CA12: variants seen among roughly 807,000 people sequenced by gnomAD.
The protein encoded by CA12 is carbonate dehydratase XII.
Under a neutral mutation model 46.8 loss-of-function variants are expected in CA12, and 36 were observed. The ratio of observed to expected loss-of-function variants is 0.77; its 90% CI spans 0.59 to 1.02. CA12 has a LOEUF of 1.02. CA12 is among the 50% of genes least tolerant of loss of function. The probability of loss-of-function intolerance (pLI) is 0.00; values close to 1 mark genes in which losing one functional copy is unlikely to be tolerated. For synonymous variants in CA12, 202 were observed against 187.0 expected (o/e 1.08, Z -0.65); for missense variants, 436 against 451.4 (o/e 0.97, Z 0.31).
intron 4 of CA12, among the ~76,000 whole-genome samples, chr15:63,344,249 C>A (rs1348784813): frequency 6.6e-6 from 1 of 152,214 alleles, no homozygotes; most frequent in Non-Finnish European, 1.5e-5. Flanking sequence ...TGCCTCTTAC[C>A]TCCCCACACC....
intron 2 of CA12, among the ~76,000 whole-genome samples, chr15:63,346,975 AT>A (rs2039158948): frequency 1.3e-5 from 2 of 152,098 alleles, no homozygotes; most frequent in Admixed American, 1.3e-4. Flanking sequence ...TATTTTGTAC[AT>A]TGTTCCTGTT....
chr15:63,352,167 T>C lies in CA12; in HGVS notation c.107-5458A>G, dbSNP rs564250601. On this transcript the variant is annotated intron_variant, in intron 2 of 10. Coordinates refer to ENST00000178638, the MANE Select transcript of CA12 (RefSeq NM_001218.5). Reference sequence around the variant, plus strand: ...GCCTCCCAGGTTCAAGCAATTCTTCTGCCTCAGCCTCCCAAGTAGCTGGGA... The same window carrying C: ...GCCTCCCAGGTTCAAGCAATTCTTCCGCCTCAGCCTCCCAAGTAGCTGGGA... Among the ~76,000 whole-genome samples the C allele has an allele frequency of 2.6e-5, 4 of 152,352 alleles. No individual in the cohort carries two copies. In the East Asian group the frequency reaches 7.7e-4, roughly 29 times the overall value.
intron 2 of CA12, among the ~76,000 whole-genome samples, chr15:63,363,849 CT>C (rs1441627246): frequency 6.6e-6 from 1 of 152,210 alleles, no homozygotes; most frequent in African/African-American, 2.4e-5. Context: ...CTGCTTCATC[CT>C]TGCTGATGTA....
chr15:63,323,020 T>C lies in CA12; in HGVS notation c.*3265A>G, dbSNP rs1330000578. The C allele has an allele frequency of 6.6e-6, 1 of 152,242 alleles. No individual in the cohort carries two copies. Among genetic ancestry groups the C allele is most frequent in the Non-Finnish European group, 1.5e-5 (1 of 68,042 alleles). The allele number at this position is 152,242 out of a possible 1,614,324, so 9.4% of individuals were successfully genotyped here. A position where few individuals can be genotyped will look rare whatever the true frequency, so the allele number is the denominator to read the frequency against. On this transcript the variant is annotated 3_prime_UTR_variant, in exon 11 of 11. Coordinates refer to ENST00000178638, the MANE Select transcript of CA12 (RefSeq NM_001218.5). The surrounding 1 kb of genome is among the most constrained non-coding windows in gnomAD (Gnocchi z 5.1). ...GCCTCTTTTTGCCCCAGTCAGAATG[T>C]GAAGTCTGGATTTAGACAAAAGATT...
chr15:63,356,184 G>A (rs2039293269), intron 2 of CA12, among the ~76,000 whole-genome samples: 1 of 152,182 alleles, frequency 6.6e-6, no homozygotes, highest in African/African-American at 2.4e-5. Flanking sequence ...CCTGAGGCCA[G>A]GAGTTGGAGA....
rs2038917416 is a variant in CA12 at position 63,330,111 on chromosome 15, G to T, written c.875-1981C>A. Among the ~76,000 whole-genome samples, 1 of 152,230 alleles carries T rather than the reference G, an allele frequency of 6.6e-6. No individual in the cohort carries two copies. Among genetic ancestry groups the T allele is most frequent in the Non-Finnish European group, 1.5e-5 (1 of 68,042 alleles). ...GCTGCTCATGACCTCCCAAGTGGCA[G>T]AGTGGCTCCACTGGCCAGACTCCCT... On this transcript the variant is annotated intron_variant, in intron 8 of 10. Transcript: ENST00000178638. The surrounding 1 kb of genome is among the most constrained non-coding windows in gnomAD (Gnocchi z 4.0).
At chr15:63,335,026 G>A (rs76076752) in intron 8 of CA12, among the ~76,000 whole-genome samples, 1 of 152,166 alleles carries the variant, frequency 6.6e-6, no homozygotes, top group African/African-American at 2.4e-5. Context: ...AAAACAATGA[G>A]TTCTGGGCCG....
intron 8 of CA12, among the ~76,000 whole-genome samples, chr15:63,337,046 C>T (rs1039677151): frequency 6.6e-6 from 1 of 152,220 alleles, no homozygotes; most frequent in Non-Finnish European, 1.5e-5. Context: ...ATAACAGATA[C>T]ATTCCATGCA....
At chr15:63,375,330 G>A (rs1442663078) in intron 2 of CA12, 1 of 282,716 alleles carries the variant, frequency 3.5e-6, no homozygotes, top group African/African-American at 2.2e-5. Flanking sequence ...GCTCTCTCCT[G>A]CCCAGGACCC....
At chr15:63,360,134 G>C (rs1247670246) in intron 2 of CA12, among the ~76,000 whole-genome samples, 1 of 152,192 alleles carries the variant, frequency 6.6e-6, no homozygotes, top group Admixed American at 6.5e-5. Flanking sequence ...GCCTGGGTCA[G>C]AGACAAGGGA....
chr15:63,360,691 G>T (rs1307849859), intron 2 of CA12, among the ~76,000 whole-genome samples: 1 of 152,160 alleles, frequency 6.6e-6, no homozygotes, highest in Admixed American at 6.5e-5. Context: ...TCCTTGCCCT[G>T]CTAACTCCTG....
At chr15:63,377,497 C>T (rs1035970063) in intron 1 of CA12, among the ~76,000 whole-genome samples, 5 of 151,666 alleles carry the variant, frequency 3.3e-5, no homozygotes, top group Non-Finnish European at 5.9e-5. Context: ...AAAAAAAAGC[C>T]GGTTTAATCT....
intron 4 of CA12, among the ~76,000 whole-genome samples, chr15:63,342,783 G>A (rs1054306321): frequency 2.6e-5 from 4 of 152,134 alleles, no homozygotes; most frequent in East Asian, 1.9e-4. Flanking sequence ...CACAACCCAT[G>A]CATTTTTGCT....
chr15:63,353,050 C>T (rs2152620570), intron 2 of CA12, among the ~76,000 whole-genome samples: 1 of 152,146 alleles, frequency 6.6e-6, no homozygotes, highest in Non-Finnish European at 1.5e-5. Context: ...GTACTAGGTG[C>T]TGAAGATGCA....
At position 63,324,936 on chromosome 15, in the gene CA12, A is replaced by C. The variant is rs2038846559; in HGVS notation, c.*1349T>G. The C allele has an allele frequency of 1.3e-5, 2 of 152,198 alleles. No individual in the cohort carries two copies. The highest frequency in any genetic ancestry group is 4.8e-5 in the African/African-American group (2 of 41,442). The allele number at this position is 152,198 out of a possible 1,614,324, so 9.4% of individuals were successfully genotyped here. A position where few individuals can be genotyped will look rare whatever the true frequency, so the allele number is the denominator to read the frequency against. On this transcript the variant is annotated 3_prime_UTR_variant, in exon 11 of 11. Transcript: ENST00000178638. ...TCTCGGGGAACTGCAAGGTGCTCTC[A>C]ACTAGGGGTCGGTTCCTTCTCAGTC...
At chr15:63,335,923 T>G (rs2038997570) in intron 8 of CA12, among the ~76,000 whole-genome samples, 1 of 152,218 alleles carries the variant, frequency 6.6e-6, no homozygotes, top group Non-Finnish European at 1.5e-5. Context: ...CCTTTGGGAC[T>G]GCCTCCTCAT....
chr15:63,381,432 G>A (rs903056256), intron 1 of CA12, among the ~76,000 whole-genome samples: 9 of 152,160 alleles, frequency 5.9e-5, no homozygotes, highest in African/African-American at 2.2e-4. Context: ...CCAAATCTGC[G>A]CCAAGCGCCA....
At chr15:63,364,471 C>T (rs1272865429) in intron 2 of CA12, among the ~76,000 whole-genome samples, 2 of 151,760 alleles carry the variant, frequency 1.3e-5, no homozygotes, top group African/African-American at 4.8e-5. Context: ...AGCTGAGAGG[C>T]TGGGTCCCAG....
chr15:63,361,558 C>T (rs755010765), intron 2 of CA12, among the ~76,000 whole-genome samples: 1 of 152,138 alleles, frequency 6.6e-6, no homozygotes, highest in Non-Finnish European at 1.5e-5. Flanking sequence ...AGAGAGTTAT[C>T]CTGCCCAAAA....
Sources: allele counts gnomAD v4.1 joint callset (sites outside exome capture counted in the v4.1 genomes callset), GRCh38; gene constraint gnomAD v4.1.1; non-coding constraint Gnocchi (gnomAD v3.1); transcripts MANE v1.5; gene names NCBI Gene and HGNC (gene_info 2026-07-23, HGNC 2026-07-21).